Variants in BRD7 observed in about 807,000 individuals in gnomAD.
BRD7 encodes the protein bromodomain-containing protein 7.
Under a neutral mutation model 82.1 loss-of-function variants are expected in BRD7, and 15 were observed. That is an observed-to-expected ratio of 0.18 (90% CI 0.12 to 0.28). The LOEUF is 0.28. Ranked by LOEUF, BRD7 falls within the 10% of genes least tolerant of loss-of-function variation. The pLI is 1.00. For missense variants in BRD7, 638 were observed against 779.9 expected (o/e 0.82, Z 2.17); for synonymous variants, 232 against 266.9 (o/e 0.87, Z 1.27).
In BRD7 at chr16:50,330,672, C is replaced by T. The variant is rs545889141; in HGVS notation, c.1012-1928G>A. On this transcript the variant is annotated intron_variant, in intron 8 of 16. Transcript: ENST00000394688. Reference sequence around the variant, plus strand: ...TGTGATGTATCACTACCAAAATATACGAAAGAGCTCTAATCAACTGACCAA... The same window carrying T: ...TGTGATGTATCACTACCAAAATATATGAAAGAGCTCTAATCAACTGACCAA... Among the ~76,000 whole-genome samples, 8 of 152,020 alleles carry T rather than the reference C, an allele frequency of 5.3e-5. No individual in the cohort carries two copies. The South Asian group carries it at 8.3e-4, about 16-fold the overall frequency.
Position 50,334,747 on chromosome 16 carries a change from G to A in BRD7, c.851C>T (p.Ala284Val), listed in dbSNP as rs759376830. The change falls in exon 7 of 17, where the codon GCA becomes GTA. Residue 284 changes from alanine to valine, a missense_variant. By Grantham distance (64) the Ala-to-Val change is moderately conservative (BLOSUM62 0). This residue lies in a region of BRD7 where 402 missense variants were observed against 500.8 expected (regional missense o/e 0.80). Coordinates refer to ENST00000394688, the MANE Select transcript of BRD7 (RefSeq NM_013263.5). ...TTTGCTGGGACTCTTGAAGGCGTGT[G>A]CTTCGGCATCTCCAGAGTCCTCTCT... is the stretch of plus-strand genomic sequence containing the variant. ...REREDSGDAE[A>V]HAFKSPSKEN... 3.7e-6 allele frequency: 6 copies of A among 1,613,770 alleles called. No individual in the cohort carries two copies. The highest frequency in any genetic ancestry group is 1.3e-5 in the African/African-American group (1 of 74,876).
intron 8 of BRD7, 89 bp from the exon 9 acceptor site, chr16:50,328,833 G>A: frequency 8.6e-7 from 1 of 1,166,978 alleles, no homozygotes; most frequent in Non-Finnish European, 1.2e-6. Flanking sequence ...ATACCAGAGT[G>A]TTGTGGATTG....
Position 50,320,659 on chromosome 16 carries a change from T to G in BRD7, c.1612+4A>C, listed in dbSNP as rs1422371687. On this transcript the variant is annotated splice_donor_region_variant and intron_variant, in intron 14 of 16. Transcript: ENST00000394688. ...TTTCAATCAAACCCTCTGGAGACAC[T>G]TACCTTCAGAGTCAAAAACTTCAAC... 1 of 1,607,466 alleles carries G rather than the reference T, an allele frequency of 6.2e-7. No individual in the cohort carries two copies. Among genetic ancestry groups the G allele is most frequent in the South Asian group, 1.1e-5 (1 of 90,932 alleles).
At chr16:50,357,646 T>C (rs531411792) in intron 2 of BRD7, among the ~76,000 whole-genome samples, 1 of 152,234 alleles carries the variant, frequency 6.6e-6, no homozygotes, top group South Asian at 2.1e-4. Context: ...CCAGTGCCAG[T>C]GCCAAGAGTC....
In BRD7 at chr16:50,349,958, A is replaced by T. The variant is rs1567280528; in HGVS notation, c.591+65T>A. On this transcript the variant is annotated intron_variant, in intron 5 of 16. Coordinates refer to ENST00000394688, the MANE Select transcript of BRD7 (RefSeq NM_013263.5). Reference sequence around the variant, plus strand: ...TTGCAAAATAAAAGGTCAATGAGAAAGATTCTGAATATCAGACATGCAGAT... The same window carrying T: ...TTGCAAAATAAAAGGTCAATGAGAATGATTCTGAATATCAGACATGCAGAT... 3.4e-5 allele frequency: 45 copies of T among 1,342,066 alleles called. No individual in the cohort carries two copies. The East Asian group carries it at 1.1e-3, about 34-fold the overall frequency. The allele number at this position is 1,342,066 out of a possible 1,614,324, so 83.1% of individuals were successfully genotyped here.
chr16:50,347,470 G>A (rs1005975805), intron 5 of BRD7, among the ~76,000 whole-genome samples: 2 of 152,116 alleles, frequency 1.3e-5, no homozygotes, highest in African/African-American at 4.8e-5. Flanking sequence ...AAGTCAAATT[G>A]TCCCTGTTTG....
intron 5 of BRD7, among the ~76,000 whole-genome samples, chr16:50,348,470 A>G (rs1004740799): frequency 1.3e-5 from 2 of 152,238 alleles, no homozygotes; most frequent in African/African-American, 4.8e-5. Context: ...CAGAGTGAAC[A>G]GGCAACCTAC....
At chr16:50,368,598 C>A in intron 1 of BRD7, 128 bp downstream of exon 1, 1 of 1,004,960 alleles carries the variant, frequency 1.0e-6, no homozygotes, top group South Asian at 2.1e-5. Flanking sequence ...GCAGGACGCG[C>A]CCCCTTCGCC....
chr16:50,349,250 G>T (rs1244906797), intron 5 of BRD7: 2 of 211,700 alleles, frequency 9.4e-6, no homozygotes, highest in Non-Finnish European at 1.9e-5. Context: ...CTGTTGTGGG[G>T]TGGGGGCATG....
chr16:50,330,288 T>C (rs2151148626), intron 8 of BRD7, among the ~76,000 whole-genome samples: 1 of 152,068 alleles, frequency 6.6e-6, no homozygotes, highest in African/African-American at 2.4e-5. Flanking sequence ...GGGCTCCCTC[T>C]TGAAACCAGT....
In BRD7 at chr16:50,317,660, G is replaced by A. The variant is rs1207056876; in HGVS notation, c.*1551C>T. 2.6e-5 allele frequency: 4 copies of A among 152,220 alleles called. No individual in the cohort carries two copies. The highest frequency in any genetic ancestry group is 5.9e-5 in the Non-Finnish European group (4 of 68,012). The allele number at this position is 152,220 out of a possible 1,614,324, so 9.4% of individuals were successfully genotyped here. ...AAAGTTTTTAGTTTTCAGTGTTCAGGTTATAGAATATAACTGACCATAAAA... is the reference window on the plus strand; with the variant it reads ...AAAGTTTTTAGTTTTCAGTGTTCAGATTATAGAATATAACTGACCATAAAA... On this transcript the variant is annotated 3_prime_UTR_variant, in exon 17 of 17. Transcript: ENST00000394688.
At chr16:50,325,295 T>G (rs749728949) in intron 11 of BRD7, among the ~76,000 whole-genome samples, 1 of 152,340 alleles carries the variant, frequency 6.6e-6, no homozygotes, top group East Asian at 1.9e-4. Context: ...CTACCTGGCA[T>G]GTGATTGGTC....
At chr16:50,343,874 C>T (rs971104483) in intron 5 of BRD7, among the ~76,000 whole-genome samples, 1 of 152,196 alleles carries the variant, frequency 6.6e-6, no homozygotes, top group African/African-American at 2.4e-5. Context: ...GAAACTTCTG[C>T]AGACTTAAAC....
rs1364636780 is a variant in BRD7, at chr16:50,347,968, A to G, written c.591+2055T>C. 2.6e-5 allele frequency among the ~76,000 whole-genome samples: 4 copies of G among 152,320 alleles called. No homozygotes were observed. The East Asian group carries it at 7.7e-4, about 29-fold the overall frequency. ...GCATTGCCAAGTCAATCCTAAGCCA[A>G]AAGAACAAAGCTGGAGGCATCACAC... On this transcript the variant is annotated intron_variant, in intron 5 of 16. Transcript: ENST00000394688.
chr16:50,326,738 GTTAGTAAAAGAC>G, intron 9 of BRD7, among the ~76,000 whole-genome samples: 1 of 152,134 alleles, frequency 6.6e-6, no homozygotes, highest in Admixed American at 6.5e-5. Context: ...CAGTACAAAG[GTTAGTAAAAGAC>G]TGAGGGAAAA....
intron 5 of BRD7, among the ~76,000 whole-genome samples, chr16:50,346,107 T>C (rs1360952897): frequency 6.6e-6 from 1 of 152,188 alleles, no homozygotes; most frequent in Non-Finnish European, 1.5e-5. Flanking sequence ...AACTCAGGAT[T>C]AAGAAACTCA....
At chr16:50,349,508 T>TTCCA (rs1462133798) in intron 5 of BRD7, 1 of 468,484 alleles carries the variant, frequency 2.1e-6, no homozygotes, top group Non-Finnish European at 4.4e-6. Flanking sequence ...CCCCTTCATG[T>TTCCA]TCCAGTACGA....
intron 5 of BRD7, among the ~76,000 whole-genome samples, chr16:50,341,642 C>CAAAAAA (rs5816690): frequency 1.9e-5 from 2 of 106,172 alleles, no homozygotes; most frequent in Non-Finnish European, 3.8e-5. Flanking sequence ...GACTCGGTCT[C>CAAAAAA]AAAAAAAAAA....
At position 50,320,758 on chromosome 16, in the gene BRD7, G is replaced by A; in HGVS notation, c.1517C>T (p.Pro506Leu). The change falls in exon 14 of 17, where the codon CCA becomes CTA. Residue 506 changes from proline (P) to leucine (L), a missense_variant. Around this residue, in one of 3 missense-constraint regions of BRD7, gnomAD observed 402 missense variants for 500.8 expected, o/e 0.80. Transcript: ENST00000394688. ...AKEMEITEVE[P>L]PGRLDSSTQD... ...AGTACTGGAGTCCAAACGCCCTGGT[G>A]GCTCTACTTCTGTAATCTGCTTCAA... 6.2e-7 allele frequency: 1 copy of A among 1,613,738 alleles called. No individual in the cohort carries two copies. The highest frequency in any genetic ancestry group is 8.5e-7 in the Non-Finnish European group (1 of 1,179,646).
Sources: gnomAD v4.1 joint callset for allele counts (sites outside exome capture counted in the v4.1 genomes callset) on GRCh38, gnomAD v4.1.1 for gene constraint, gnomAD v4.1.1 regional missense constraint, MANE v1.5 for transcripts, NCBI Gene and HGNC (gene_info 2026-07-23, HGNC 2026-07-21) for gene names.